STAM: variants seen among roughly 807,000 people sequenced by gnomAD.
STAM encodes the protein signal transducing adaptor molecule, also known as signal transducing adapter molecule 1.
Under a neutral mutation model 63.4 loss-of-function variants are expected in STAM, and 16 were observed. That is an observed-to-expected ratio of 0.25 (90% CI 0.17 to 0.38). STAM has a LOEUF of 0.38. STAM is among the 10% of genes least tolerant of loss of function. The pLI is 1.00. For synonymous variants in STAM, 238 were observed against 223.9 expected (o/e 1.06, Z -0.56); for missense variants, 636 against 657.1 (o/e 0.97, Z 0.35).
chr10:17,695,826 G>A (rs1346113275), intron 7 of STAM: 3 of 152,240 alleles, frequency 2.0e-5, no homozygotes, highest in Non-Finnish European at 4.4e-5. Flanking sequence ...AGTTCTTCCT[G>A]TAGTGTCTCT....
Position 17,693,207 on chromosome 10 carries a change from C to A in STAM, c.445-15C>A. On this transcript the variant is annotated splice_polypyrimidine_tract_variant and intron_variant, in intron 5 of 13. Coordinates refer to ENST00000377524, the MANE Select transcript of STAM (RefSeq NM_003473.4). ...GATAACAACCCTCAAATACTGTGTTCCTCTTTTTTGTTAGGCTGCAGAACA... is the reference window on the plus strand; with the variant it reads ...GATAACAACCCTCAAATACTGTGTTACTCTTTTTTGTTAGGCTGCAGAACA... The A allele has an allele frequency of 6.2e-7, 1 of 1,611,598 alleles. No individual in the cohort carries two copies. The highest frequency in any genetic ancestry group is 2.2e-5 in the East Asian group (1 of 44,834).
At chr10:17,651,913 G>A (rs2255657) in intron 1 of STAM, among the ~76,000 whole-genome samples, 2 of 151,978 alleles carry the variant, frequency 1.3e-5, no homozygotes, top group Non-Finnish European at 2.9e-5. Flanking sequence ...CTTTGACAGT[G>A]ATAAATTTTG....
intron 2 of STAM, among the ~76,000 whole-genome samples, chr10:17,666,106 C>G (rs1439957735): frequency 6.6e-6 from 1 of 152,092 alleles, no homozygotes; most frequent in Non-Finnish European, 1.5e-5. Context: ...TCTTCAATAA[C>G]AAGTTAAAAT....
At chr10:17,665,469 C>T (rs1232107000) in intron 2 of STAM, among the ~76,000 whole-genome samples, 1 of 151,850 alleles carries the variant, frequency 6.6e-6, no homozygotes, top group African/African-American at 2.4e-5. Context: ...ATACATTTTC[C>T]CCCCATTTAC....
intron 12 of STAM, among the ~76,000 whole-genome samples, chr10:17,707,869 C>T (rs1369091286): frequency 6.6e-6 from 1 of 151,364 alleles, no homozygotes; most frequent in Non-Finnish European, 1.5e-5. Context: ...ACAAATCCAG[C>T]CTGTTGCCTG....
intron 2 of STAM, among the ~76,000 whole-genome samples, chr10:17,680,247 G>C (rs1333688575): frequency 6.7e-6 from 1 of 148,986 alleles, no homozygotes; most frequent in Non-Finnish European, 1.5e-5. Context: ...CATCTTAATG[G>C]TATTAAATAC....
At chr10:17,706,609 G>T (rs1042316315) in intron 12 of STAM, among the ~76,000 whole-genome samples, 16 of 151,952 alleles carry the variant, frequency 1.1e-4, no homozygotes, top group African/African-American at 3.4e-4. Context: ...TTGATCTCCT[G>T]ACCTCGTGAT....
chr10:17,689,662 A>G (rs527450343), intron 5 of STAM, among the ~76,000 whole-genome samples: 2 of 152,346 alleles, frequency 1.3e-5, no homozygotes, highest in Admixed American at 6.5e-5. Flanking sequence ...ATGTTTATTT[A>G]TCAAAGAGTA....
intron 11 of STAM, 87 bp from the exon 12 acceptor site, chr10:17,705,501 C>T (rs58750577): frequency 0.073 from 105,669 of 1,443,986 alleles, 4,110 homozygotes; most frequent in Middle Eastern, 0.13. Context: ...TACTTTTTGC[C>T]ATTTTTGATA....
At chr10:17,700,430 GT>G (rs1564566038) in intron 9 of STAM, 151 bp downstream of exon 9, 2 of 532,990 alleles carry the variant, frequency 3.8e-6, no homozygotes, top group Non-Finnish European at 6.4e-6. Context: ...GATGCAGACT[GT>G]TTTTTGAAAC....
At chr10:17,646,615 C>T (rs1554820860) in intron 1 of STAM, among the ~76,000 whole-genome samples, 1 of 152,130 alleles carries the variant, frequency 6.6e-6, no homozygotes, top group Non-Finnish European at 1.5e-5. Flanking sequence ...TTGTTTTGCT[C>T]CAGAAAAGCT....
chr10:17,646,593 A>C (rs1400436008), intron 1 of STAM, among the ~76,000 whole-genome samples: 2 of 152,198 alleles, frequency 1.3e-5, no homozygotes, highest in Non-Finnish European at 2.9e-5. Context: ...ATACTTCTTC[A>C]GTGTAGCAAC....
In STAM at chr10:17,700,209, C is replaced by A; in HGVS notation, c.842C>A (p.Thr281Lys). The part of the protein sequence containing the change: ...EPEMIKTEKK[T>K]VQFSDDVQVE... ...CTTACAGTTAAAACAGAGAAGAAGACGGTACAATTTAGTGATGATGTTCAG... is the reference window on the plus strand; with the variant it reads ...CTTACAGTTAAAACAGAGAAGAAGAAGGTACAATTTAGTGATGATGTTCAG... Residue 281 changes from threonine (T) to lysine (K), a missense_variant, in exon 9 of 14, where the codon ACG (threonine) becomes AAG (lysine). Thr to Lys is a moderately conservative substitution (Grantham distance 78). Transcript: ENST00000377524. 1 of 1,607,288 alleles carries A rather than the reference C, an allele frequency of 6.2e-7. No individual in the cohort carries two copies. The highest frequency in any genetic ancestry group is 8.5e-7 in the Non-Finnish European group (1 of 1,177,154).
In STAM at chr10:17,695,261, T is replaced by C; in HGVS notation, c.728+20T>C. 6.2e-7 allele frequency: 1 copy of C among 1,603,450 alleles called. No individual in the cohort carries two copies. The highest frequency in any genetic ancestry group is 8.5e-7 in the Non-Finnish European group (1 of 1,173,062). ...TGACAGGTAATGTTAATATTACATT[T>C]AAAATTTGTATGAAAGTGTGTATGG... is the stretch of plus-strand genomic sequence containing the variant. On this transcript the variant is annotated intron_variant, in intron 7 of 13. Transcript: ENST00000377524.
rs1305367131 is a variant in STAM at position 17,644,254 on chromosome 10, C to T, written c.-86C>T. 3 of 1,465,770 alleles carry T rather than the reference C, an allele frequency of 2.0e-6. No homozygotes were observed. The East Asian group carries it at 6.8e-5, about 33-fold the overall frequency. The allele number at this position is 1,465,770 out of a possible 1,614,324, so 90.8% of individuals were successfully genotyped here. ...GAGTCGGTCTCTGTTGCTCTTTTTG[C>T]CTGAGGAGTCTTCCATCCTACGTCG... On this transcript the variant is annotated 5_prime_UTR_variant, in exon 1 of 14. Coordinates refer to ENST00000377524, the MANE Select transcript of STAM (RefSeq NM_003473.4).
chr10:17,683,504 G>A (rs76101190), intron 2 of STAM, among the ~76,000 whole-genome samples: 3,826 of 152,084 alleles, frequency 0.025, 152 homozygotes, highest in African/African-American at 0.087. Context: ...TGTAGTGGTG[G>A]CTCTGTGTTA....
chr10:17,693,925 CTAT>C (rs1252157044), intron 6 of STAM, among the ~76,000 whole-genome samples: 1 of 152,110 alleles, frequency 6.6e-6, no homozygotes, highest in African/African-American at 2.4e-5. Flanking sequence ...TGTATGAAAG[CTAT>C]TATTATTAAT....
At chr10:17,694,685 G>A (rs1554827202) in intron 6 of STAM, among the ~76,000 whole-genome samples, 2 of 151,928 alleles carry the variant, frequency 1.3e-5, no homozygotes, top group African/African-American at 4.8e-5. Flanking sequence ...TGATATTCTT[G>A]ACTTTCCAGG....
rs1470242660 is a variant in STAM, at chr10:17,696,758, T to G, written c.729-17T>G. On this transcript the variant is annotated splice_polypyrimidine_tract_variant and intron_variant, in intron 7 of 13. Transcript: ENST00000377524. Reference sequence around the variant, plus strand: ...ATACATTTGTTATGGTAAAGCATTGTTTTTTGTTTGTCATAGTGATCCTAA... The same window carrying G: ...ATACATTTGTTATGGTAAAGCATTGGTTTTTGTTTGTCATAGTGATCCTAA... 6.4e-7 allele frequency: 1 copy of G among 1,557,138 alleles called. No individual in the cohort carries two copies. The highest frequency in any genetic ancestry group is 1.4e-5 in the African/African-American group (1 of 73,672).
Sources: allele counts gnomAD v4.1 joint callset (sites outside exome capture counted in the v4.1 genomes callset), GRCh38; gene constraint gnomAD v4.1.1; transcripts MANE v1.5; gene names NCBI Gene and HGNC (gene_info 2026-07-23, HGNC 2026-07-21).